The following PTPRD variants were observed in gnomAD, a reference collection of about 807,000 sequenced individuals.
PTPRD encodes the protein receptor-type tyrosine-protein phosphatase delta.
PTPRD carries 34 observed loss-of-function variants against 214.5 expected under a neutral mutation model. The observed-to-expected ratio is 0.16, with a 90% CI of 0.12 to 0.21. The LOEUF (loss-of-function observed/expected upper bound fraction) is 0.21. PTPRD is among the 10% of genes least tolerant of loss of function. PTPRD has a pLI of 1.00. For missense variants in PTPRD, 2,545 were observed against 2,398.7 expected, an observed-to-expected ratio of 1.06 and a Z score of -1.27; for synonymous variants, 1,128 against 845.7, an observed-to-expected ratio of 1.33 and a Z score of -5.79.
chr9:9,041,913 C>G (rs773565636), intron 10 of PTPRD, among the ~76,000 whole-genome samples: 17 of 152,154 alleles, frequency 1.1e-4, no homozygotes, highest in Admixed American at 2.6e-4. Flanking sequence ...CAAGAAGTCT[C>G]TAAAACACAA....
At position 10,417,086 on chromosome 9, in the gene PTPRD, G is replaced by T. The variant is rs568517252; in HGVS notation, c.-599-76069C>A. Among the ~76,000 whole-genome samples the T allele has an allele frequency of 6.6e-5, 10 of 151,930 alleles. No individual in the cohort carries two copies. The East Asian group carries it at 1.8e-3, about 27-fold the overall frequency. On this transcript the variant is annotated intron_variant, in intron 2 of 45. Transcript: ENST00000381196. Reference sequence around the variant, plus strand: ...GTTAGTGAAGACAACAAACTGTGGGGTTGCAGATGTTTTTGCTCTCACTCC... The same window carrying T: ...GTTAGTGAAGACAACAAACTGTGGGTTTGCAGATGTTTTTGCTCTCACTCC...
In PTPRD at chr9:8,486,143, C is replaced by T. The variant is rs370631792; in HGVS notation, c.2674G>A (p.Val892Ile). Residue 892 changes from valine to isoleucine, a missense_variant, in exon 28 of 46, where the codon GTC (valine) becomes ATC (isoleucine). Physicochemically the swap from Val to Ile is conservative, Grantham distance 29 (BLOSUM62 3). Transcript: ENST00000381196. ...ATDIHKGASY[V>I]FRLSARNKVG... Reference sequence around the variant, plus strand: ...TTGTTTCTGGCTGAGAGCCTGAAGACGTATGATGCTCCCTTGTGGATGTCT... The same window carrying T: ...TTGTTTCTGGCTGAGAGCCTGAAGATGTATGATGCTCCCTTGTGGATGTCT... 269 of 1,614,172 alleles carry T rather than the reference C, an allele frequency of 1.7e-4. 3 individuals carry two copies. Among genetic ancestry groups the T allele is most frequent in the South Asian group, 1.1e-3 (103 of 91,074 alleles).
chr9:8,771,564 A>G (rs1248167007), intron 11 of PTPRD, among the ~76,000 whole-genome samples: 1 of 152,180 alleles, frequency 6.6e-6, no homozygotes, highest in African/African-American at 2.4e-5. Context: ...TAAATTTCCA[A>G]TGTAAATTTT....
intron 2 of PTPRD, among the ~76,000 whole-genome samples, chr9:10,449,972 G>A (rs2098829230): frequency 6.6e-6 from 1 of 151,616 alleles, no homozygotes; most frequent in Non-Finnish European, 1.5e-5. Context: ...AACATGTGCT[G>A]TGTCCACTCA....
intron 23 of PTPRD, among the ~76,000 whole-genome samples, chr9:8,502,062 T>C (rs2097422231): frequency 6.6e-6 from 1 of 152,192 alleles, no homozygotes; most frequent in Non-Finnish European, 1.5e-5. Flanking sequence ...AGGGTTTATA[T>C]TAGAATTAGA....
chr9:9,699,343 A>G (rs1298435515), intron 7 of PTPRD, among the ~76,000 whole-genome samples: 2 of 152,142 alleles, frequency 1.3e-5, no homozygotes, highest in South Asian at 2.1e-4. Flanking sequence ...ACTAACCACC[A>G]TTATCTTTTA....
At chr9:9,654,937 T>C (rs1006629401) in intron 7 of PTPRD, among the ~76,000 whole-genome samples, 23 of 152,266 alleles carry the variant, frequency 1.5e-4, no homozygotes, top group Non-Finnish European at 1.5e-4. Context: ...AAGTAAAATA[T>C]GTGTATGCTA....
At chr9:8,385,203 T>G (rs769071425) in intron 37 of PTPRD, among the ~76,000 whole-genome samples, 1 of 152,156 alleles carries the variant, frequency 6.6e-6, no homozygotes, top group South Asian at 2.1e-4. Context: ...CAAGCGCTGT[T>G]GATAAACCTC....
chr9:9,819,949 T>G (rs879478787), intron 5 of PTPRD, among the ~76,000 whole-genome samples: 3 of 152,174 alleles, frequency 2.0e-5, no homozygotes, highest in Admixed American at 6.5e-5. Context: ...AGCACTGCAA[T>G]GAAAATGCGA....
At chr9:9,878,709 T>C (rs1007631129) in intron 5 of PTPRD, among the ~76,000 whole-genome samples, 2 of 152,160 alleles carry the variant, frequency 1.3e-5, no homozygotes, top group African/African-American at 4.8e-5. Flanking sequence ...ACCCACCAAA[T>C]AGAGCATAGG....
In PTPRD at chr9:8,314,556, T is replaced by C; in HGVS notation, c.*3318A>G. 1 of 232,238 alleles carries C rather than the reference T, an allele frequency of 4.3e-6. No individual in the cohort carries two copies. The highest frequency in any genetic ancestry group is 1.8e-4 in the South Asian group (1 of 5,518). 14.4% of individuals were successfully genotyped at this position (232,238 alleles called of 1,614,324 possible). On this transcript the variant is annotated 3_prime_UTR_variant, in exon 46 of 46. Coordinates refer to ENST00000381196, the MANE Select transcript of PTPRD (RefSeq NM_002839.4). Reference sequence around the variant, plus strand: ...TGGGATGGCAAAGCCACATAACGGATGGATAGAATGGATCTGTAGCCTTCT... The same window carrying C: ...TGGGATGGCAAAGCCACATAACGGACGGATAGAATGGATCTGTAGCCTTCT...
At chr9:8,453,942 A>G (rs971508341) in intron 33 of PTPRD, among the ~76,000 whole-genome samples, 2 of 152,186 alleles carry the variant, frequency 1.3e-5, no homozygotes, top group African/African-American at 4.8e-5. Context: ...TCGGGAATTT[A>G]TATATATGTT....
chr9:10,554,930 G>A (rs1168169467), intron 2 of PTPRD, among the ~76,000 whole-genome samples: 1 of 152,080 alleles, frequency 6.6e-6, no homozygotes, highest in Non-Finnish European at 1.5e-5. Flanking sequence ...AAAGTGCTGG[G>A]ATTACAGGCG....
intron 8 of PTPRD, among the ~76,000 whole-genome samples, chr9:9,555,957 G>C (rs551569585): frequency 3.8e-4 from 58 of 152,106 alleles, no homozygotes; most frequent in African/African-American, 1.3e-3. Context: ...TATTTTTTGT[G>C]TCTTAAATTA....
At chr9:9,413,963 G>C (rs1395314271) in intron 8 of PTPRD, among the ~76,000 whole-genome samples, 1 of 152,168 alleles carries the variant, frequency 6.6e-6, no homozygotes, top group Non-Finnish European at 1.5e-5. Context: ...AAAACTGAGA[G>C]AATTTTCAGG....
intron 8 of PTPRD, among the ~76,000 whole-genome samples, chr9:9,408,968 C>T (rs954864584): frequency 6.6e-6 from 1 of 151,656 alleles, no homozygotes; most frequent in African/African-American, 2.4e-5. Flanking sequence ...ATATTAAGGC[C>T]TTTTAAAAGA....
chr9:10,385,418 C>T (rs936869189), intron 2 of PTPRD, among the ~76,000 whole-genome samples: 35 of 151,872 alleles, frequency 2.3e-4, no homozygotes, highest in East Asian at 3.9e-4. Flanking sequence ...GAGAATATAA[C>T]ATATCTCATT....
rs148975599 is a variant in PTPRD at position 9,050,413 on chromosome 9, G to A, written c.-142-31678C>T. Among the ~76,000 whole-genome samples the A allele has an allele frequency of 1.4e-4, 22 of 152,174 alleles. No individual in the cohort carries two copies. In the East Asian group the frequency reaches 3.5e-3, roughly 24 times the overall value. ...TTCCCTTTCCCCATTATATTACATGGTCTCTCAACAATCAAAGACAATGTG... is the reference window on the plus strand; with the variant it reads ...TTCCCTTTCCCCATTATATTACATGATCTCTCAACAATCAAAGACAATGTG... On this transcript the variant is annotated intron_variant, in intron 10 of 45. Coordinates refer to ENST00000381196, the MANE Select transcript of PTPRD (RefSeq NM_002839.4).
chr9:10,035,173 G>A (rs183396800), intron 3 of PTPRD, among the ~76,000 whole-genome samples: 4 of 152,030 alleles, frequency 2.6e-5, no homozygotes, highest in Admixed American at 6.6e-5. Flanking sequence ...GTCTCATTGT[G>A]ACTTTAATTT....
Sources: allele counts gnomAD v4.1 joint callset (sites outside exome capture counted in the v4.1 genomes callset), GRCh38; gene constraint gnomAD v4.1.1; transcripts MANE v1.5; gene names NCBI Gene and HGNC (gene_info 2026-07-23, HGNC 2026-07-21).